The following ASIC2 variants were observed in gnomAD, a reference collection of about 807,000 sequenced individuals.
ASIC2 encodes the protein acid-sensing ion channel 2.
In ASIC2, 25 loss-of-function variants were observed where a neutral mutation model predicts 57.3. The ratio of observed to expected loss-of-function variants is 0.44; its 90% CI spans 0.32 to 0.61. The LOEUF (loss-of-function observed/expected upper bound fraction) is 0.61. Among genes scored for constraint, ASIC2 ranks in the 20% least tolerant of loss-of-function variants. The pLI, the probability that ASIC2 is intolerant of heterozygous loss-of-function variation, is 0.06. For synonymous variants in ASIC2, 319 were observed against 307.5 expected, an observed-to-expected ratio of 1.04 and a Z score of -0.39; for missense variants, 641 against 738.1, an observed-to-expected ratio of 0.87 and a Z score of 1.52.
intron 1 of ASIC2, among the ~76,000 whole-genome samples, chr17:33,151,057 A>G (rs1597605124): frequency 6.8e-6 from 1 of 146,072 alleles, no homozygotes; most frequent in African/African-American, 2.6e-5. Flanking sequence ...TGCTGGGTGT[A>G]GTGGCTCACA....
At chr17:33,696,697 C>T (rs1054988975) in intron 1 of ASIC2, among the ~76,000 whole-genome samples, 1 of 152,184 alleles carries the variant, frequency 6.6e-6, no homozygotes, top group African/African-American at 2.4e-5. Flanking sequence ...AACTAACAGC[C>T]TACTGCTGGC....
intron 1 of ASIC2, among the ~76,000 whole-genome samples, chr17:33,182,241 G>A (rs1906015539): frequency 6.6e-6 from 1 of 152,172 alleles, no homozygotes. Context: ...TTGCTGACAA[G>A]TTGGATATGG....
intron 1 of ASIC2, among the ~76,000 whole-genome samples, chr17:33,316,993 T>A (rs1276941779): frequency 6.6e-6 from 1 of 152,222 alleles, no homozygotes; most frequent in African/African-American, 2.4e-5. Flanking sequence ...CTTTCCTGGC[T>A]CCAGGACCAG....
intron 1 of ASIC2, among the ~76,000 whole-genome samples, chr17:33,338,436 G>C (rs1377442399): frequency 4.6e-5 from 7 of 152,180 alleles, no homozygotes; most frequent in African/African-American, 1.7e-4. Context: ...AATCAGGGGT[G>C]GCTTCCTGGA....
intron 1 of ASIC2, among the ~76,000 whole-genome samples, chr17:33,275,206 C>T (rs1164229854): frequency 6.6e-6 from 1 of 152,158 alleles, no homozygotes; most frequent in African/African-American, 2.4e-5. Context: ...ATGGTAATTT[C>T]TCTCTGGAAG....
intron 1 of ASIC2, among the ~76,000 whole-genome samples, chr17:34,127,793 A>C (rs965201689): frequency 6.6e-6 from 1 of 152,216 alleles, no homozygotes; most frequent in Non-Finnish European, 1.5e-5. Flanking sequence ...TGCAAGGAAA[A>C]GAATATGATA....
At chr17:33,687,508 GC>G (rs1247804729) in intron 1 of ASIC2, among the ~76,000 whole-genome samples, 3 of 152,156 alleles carry the variant, frequency 2.0e-5, no homozygotes, top group African/African-American at 7.2e-5. Context: ...CTCTTTCCCT[GC>G]CACAATGGTT....
intron 1 of ASIC2, among the ~76,000 whole-genome samples, chr17:33,643,585 T>C (rs1330108257): frequency 1.3e-5 from 2 of 152,208 alleles, no homozygotes; most frequent in Non-Finnish European, 2.9e-5. Context: ...GTGGAATAGA[T>C]CATGATTAGG....
intron 2 of ASIC2, among the ~76,000 whole-genome samples, chr17:33,103,463 A>C (rs1368172570): frequency 6.6e-6 from 1 of 152,028 alleles, no homozygotes; most frequent in Admixed American, 6.6e-5. Flanking sequence ...CTATTTCCTC[A>C]ATGTTTCTTT....
chr17:33,509,509 A>T (rs1914366084), intron 1 of ASIC2, among the ~76,000 whole-genome samples: 1 of 152,204 alleles, frequency 6.6e-6, no homozygotes, highest in African/African-American at 2.4e-5. Context: ...GCTCGCTAAC[A>T]GACTGACAGA....
intron 1 of ASIC2, among the ~76,000 whole-genome samples, chr17:33,517,541 A>T (rs959496763): frequency 6.6e-5 from 10 of 152,140 alleles, no homozygotes; most frequent in Non-Finnish European, 2.9e-5. Context: ...TGCAGTCAAG[A>T]TGCCAGCTGG....
intron 1 of ASIC2, among the ~76,000 whole-genome samples, chr17:34,055,541 T>C (rs1908734845): frequency 6.6e-6 from 1 of 152,224 alleles, no homozygotes; most frequent in African/African-American, 2.4e-5. Context: ...TCTTGTTTCC[T>C]CTTAATCAAT....
intron 1 of ASIC2, among the ~76,000 whole-genome samples, chr17:33,166,460 C>A (rs1225731586): frequency 6.6e-6 from 1 of 152,150 alleles, no homozygotes; most frequent in Non-Finnish European, 1.5e-5. Flanking sequence ...GTGTCCAGGG[C>A]AGTGAGGAGT....
At chr17:33,917,479 A>G (rs1915608341) in intron 1 of ASIC2, among the ~76,000 whole-genome samples, 1 of 151,786 alleles carries the variant, frequency 6.6e-6, no homozygotes, top group Non-Finnish European at 1.5e-5. Flanking sequence ...ATCATCTTCT[A>G]TTCTCTCTCT....
chr17:34,149,407 T>C (rs1548509), intron 1 of ASIC2, among the ~76,000 whole-genome samples: 115,514 of 152,138 alleles, frequency 0.76, 43,947 homozygotes, highest in South Asian at 0.85. Flanking sequence ...TATTATTAAA[T>C]AATAACAATA....
At chr17:33,392,992 T>C (rs553330656) in intron 1 of ASIC2, among the ~76,000 whole-genome samples, 3 of 152,274 alleles carry the variant, frequency 2.0e-5, no homozygotes, top group East Asian at 3.9e-4. Flanking sequence ...CTTATCTCTT[T>C]CTCAATTTCA....
chr17:34,084,474 AG>A (rs1910019832), intron 1 of ASIC2, among the ~76,000 whole-genome samples: 1 of 152,232 alleles, frequency 6.6e-6, no homozygotes, highest in Non-Finnish European at 1.5e-5. Flanking sequence ...GAAGTCAGGT[AG>A]CGTGATGCCT....
At chr17:33,912,858 A>G (rs1269744853) in intron 1 of ASIC2, among the ~76,000 whole-genome samples, 1 of 151,922 alleles carries the variant, frequency 6.6e-6, no homozygotes, top group Non-Finnish European at 1.5e-5. Context: ...GCATGCCTAT[A>G]ATCCCAGCTA....
chr17:33,930,147 C>T (rs1341783290), intron 1 of ASIC2, among the ~76,000 whole-genome samples: 3 of 152,134 alleles, frequency 2.0e-5, no homozygotes, highest in East Asian at 1.9e-4. Context: ...GTTAGGTAAC[C>T]GAGGCTGCAA....
Sources: gnomAD v4.1 joint callset for allele counts (sites outside exome capture counted in the v4.1 genomes callset) on GRCh38, gnomAD v4.1.1 for gene constraint, MANE v1.5 for transcripts, NCBI Gene and HGNC (gene_info 2026-07-23, HGNC 2026-07-21) for gene names.